Variants in COG5 observed in about 807,000 individuals in gnomAD.
The protein encoded by COG5 is component of oligomeric golgi complex 5, also known as conserved oligomeric Golgi complex subunit 5.
In COG5, 86 loss-of-function variants were observed where a neutral mutation model predicts 110.4. The observed-to-expected ratio is 0.78, with a 90% CI of 0.65 to 0.93. The LOEUF (loss-of-function observed/expected upper bound fraction) is 0.93, where lower values mean the gene tolerates loss of function less well. Among genes scored for constraint, COG5 ranks in the 40% least tolerant of loss-of-function variants. COG5 has a pLI of 0.00. For synonymous variants in COG5, 360 were observed against 334.6 expected (o/e 1.08, Z -0.83); for missense variants, 1,077 against 987.0 (o/e 1.09, Z -1.22).
chr7:107,295,442 T>C (rs1192055924), intron 12 of COG5, among the ~76,000 whole-genome samples: 1 of 152,116 alleles, frequency 6.6e-6, no homozygotes, highest in African/African-American at 2.4e-5. Context: ...TACTGAAAAT[T>C]TGACACAAGT....
rs966781332 is a variant in COG5, at chr7:107,233,846, G to T, written c.2091+2604C>A. ...TATTTAAATGTTTTGACTGACCCTC[G>T]AAAAACACTTTCAACCAAATGTGAT... On this transcript the variant is annotated intron_variant, in intron 18 of 21. Transcript: ENST00000297135. Among the ~76,000 whole-genome samples, 8 of 152,034 alleles carry T rather than the reference G, an allele frequency of 5.3e-5. No individual in the cohort carries two copies. In the East Asian group the frequency reaches 1.5e-3, roughly 29 times the overall value.
rs533939256 is a variant in COG5 at position 107,433,139 on chromosome 7, C to A, written c.539-20507G>T. On this transcript the variant is annotated intron_variant, in intron 6 of 21. Coordinates refer to ENST00000297135, the MANE Select transcript of COG5 (RefSeq NM_006348.5). ...AATAAACTTAGAGAAAATAAAGAGG[C>A]AAAAGACATGTATTCTGAACACTAC... is the stretch of plus-strand genomic sequence containing the variant. Among the ~76,000 whole-genome samples the A allele has an allele frequency of 8.6e-5, 13 of 151,944 alleles. No homozygotes were observed. In the South Asian group the frequency reaches 2.7e-3, roughly 32 times the overall value.
intron 7 of COG5, among the ~76,000 whole-genome samples, chr7:107,412,173 G>A (rs1405066592): frequency 6.6e-6 from 1 of 152,036 alleles, no homozygotes; most frequent in Admixed American, 6.5e-5. Flanking sequence ...ATCTTACTGG[G>A]TTGTTGAAGG....
chr7:107,299,492 T>C (rs1307780518), intron 11 of COG5, among the ~76,000 whole-genome samples: 1 of 152,042 alleles, frequency 6.6e-6, no homozygotes, highest in East Asian at 1.9e-4. Flanking sequence ...AAGCAATAGA[T>C]AGACTGAATA....
At chr7:107,438,630 C>T (rs1435140548) in intron 6 of COG5, among the ~76,000 whole-genome samples, 1 of 152,160 alleles carries the variant, frequency 6.6e-6, no homozygotes, top group African/African-American at 2.4e-5. Flanking sequence ...CTACAATACC[C>T]CTGGACTATC....
chr7:107,548,787 T>C (rs1220173650), intron 3 of COG5, among the ~76,000 whole-genome samples: 3 of 152,236 alleles, frequency 2.0e-5, no homozygotes, highest in African/African-American at 4.8e-5. Flanking sequence ...ATTAAAACTA[T>C]AGTCCACAGC....
At chr7:107,258,040 TGAG>T (rs913262686) in intron 15 of COG5, among the ~76,000 whole-genome samples, 2 of 152,104 alleles carry the variant, frequency 1.3e-5, no homozygotes, top group African/African-American at 4.8e-5. Flanking sequence ...TTAATTAACT[TGAG>T]GAGCTATAGT....
chr7:107,333,404 C>T (rs1338122022), intron 10 of COG5, among the ~76,000 whole-genome samples: 1 of 152,098 alleles, frequency 6.6e-6, no homozygotes, highest in African/African-American at 2.4e-5. Flanking sequence ...TATACATGTA[C>T]AACCCTATAC....
intron 7 of COG5, among the ~76,000 whole-genome samples, chr7:107,407,270 T>A (rs1356127559): frequency 1.3e-5 from 2 of 152,072 alleles, no homozygotes; most frequent in Non-Finnish European, 2.9e-5. Context: ...TAATCCCAGC[T>A]ACTCGGGGGG....
intron 6 of COG5, among the ~76,000 whole-genome samples, chr7:107,436,448 G>A (rs1011124395): frequency 6.6e-6 from 1 of 152,122 alleles, no homozygotes; most frequent in African/African-American, 2.4e-5. Flanking sequence ...GGCTGAGGGT[G>A]GGGGAGAATG....
chr7:107,299,575 T>C (rs1018627853), intron 11 of COG5, among the ~76,000 whole-genome samples: 1 of 151,890 alleles, frequency 6.6e-6, no homozygotes. Context: ...ATGACTTTAG[T>C]GGTGAATTTT....
intron 12 of COG5, among the ~76,000 whole-genome samples, chr7:107,289,317 C>A (rs938672453): frequency 2.6e-5 from 4 of 152,104 alleles, no homozygotes; most frequent in African/African-American, 9.7e-5. Context: ...GAAGACAACT[C>A]ACCATAGATT....
intron 6 of COG5, among the ~76,000 whole-genome samples, chr7:107,486,285 C>G (rs1327192888): frequency 6.6e-6 from 1 of 151,906 alleles, no homozygotes; most frequent in Non-Finnish European, 1.5e-5. Flanking sequence ...GTGAAGAAAT[C>G]AAGTCAGAGG....
chr7:107,406,816 T>C (rs1056738012), intron 7 of COG5, among the ~76,000 whole-genome samples: 1 of 152,158 alleles, frequency 6.6e-6, no homozygotes, highest in Non-Finnish European at 1.5e-5. Context: ...CATAAAGATA[T>C]ATACAAATGT....
chr7:107,203,202 G>C lies in COG5; in HGVS notation c.*314C>G. 2.6e-6 allele frequency: 1 copy of C among 382,646 alleles called. No homozygotes were observed. The highest frequency in any genetic ancestry group is 4.9e-6 in the Non-Finnish European group (1 of 202,948). 23.7% of individuals were successfully genotyped at this position (382,646 alleles called of 1,614,324 possible). ...GATCATATCCCTTTAAAAGAAGTGG[G>C]GACTTTGGGTTTATGTACCCATAGG... On this transcript the variant is annotated 3_prime_UTR_variant, in exon 22 of 22. Transcript: ENST00000297135.
At chr7:107,319,899 T>C (rs1041940970) in intron 11 of COG5, among the ~76,000 whole-genome samples, 2 of 152,064 alleles carry the variant, frequency 1.3e-5, no homozygotes, top group African/African-American at 4.8e-5. Context: ...AGTTCAAGGC[T>C]GTAGCGTGCA....
At chr7:107,392,774 T>C (rs751625470) in intron 7 of COG5, among the ~76,000 whole-genome samples, 1 of 152,128 alleles carries the variant, frequency 6.6e-6, no homozygotes, top group Non-Finnish European at 1.5e-5. Context: ...TTTTTTTAAT[T>C]GTAGAGGGGA....
chr7:107,234,677 T>A (rs1801036020), intron 18 of COG5, among the ~76,000 whole-genome samples: 1 of 151,856 alleles, frequency 6.6e-6, no homozygotes, highest in Non-Finnish European at 1.5e-5. Context: ...AATAAGCTGG[T>A]AGGGGAGAGA....
intron 6 of COG5, among the ~76,000 whole-genome samples, chr7:107,439,099 C>T (rs140697494): frequency 2.6e-5 from 4 of 152,276 alleles, no homozygotes; most frequent in Admixed American, 6.5e-5. Context: ...CCCAATCCCA[C>T]GATCATTACC....
Sources: allele counts gnomAD v4.1 joint callset (sites outside exome capture counted in the v4.1 genomes callset), GRCh38; gene constraint gnomAD v4.1.1; transcripts MANE v1.5; gene names NCBI Gene and HGNC (gene_info 2026-07-23, HGNC 2026-07-21).